PKNOX2: variants seen among roughly 807,000 people sequenced by gnomAD.
PKNOX2 encodes the protein homeobox protein PKNOX2.
In PKNOX2, 14 loss-of-function variants were observed where a neutral mutation model predicts 53.1. The observed-to-expected ratio is 0.26, with a 90% CI of 0.17 to 0.41. The LOEUF is 0.41. Among genes scored for constraint, PKNOX2 ranks in the 10% least tolerant of loss-of-function variants. The pLI, the probability that PKNOX2 is intolerant of heterozygous loss-of-function variation, is 1.00. For synonymous variants in PKNOX2, 257 were observed against 242.8 expected (o/e 1.06, Z -0.54); for missense variants, 496 against 602.8 (o/e 0.82, Z 1.85).
Position 125,349,417 on chromosome 11 carries a change from C to T in PKNOX2, c.-22-1867C>T, listed in dbSNP as rs899944851. Among the ~76,000 whole-genome samples, 11 of 152,248 alleles carry T rather than the reference C, an allele frequency of 7.2e-5. No individual in the cohort carries two copies. The South Asian group carries it at 1.2e-3, about 17-fold the overall frequency. On this transcript the variant is annotated intron_variant, in intron 3 of 12. Coordinates refer to ENST00000298282, the MANE Select transcript of PKNOX2 (RefSeq NM_001382323.2). ...AAGGAAATTGGATCTTAGGGACCAGCGGTGTGTGAGATGGGCGAGGCCCTG... is the reference window on the plus strand; with the variant it reads ...AAGGAAATTGGATCTTAGGGACCAGTGGTGTGTGAGATGGGCGAGGCCCTG...
At chr11:125,191,112 T>G (rs575575047) in intron 1 of PKNOX2, 2 of 152,260 alleles carry the variant, frequency 1.3e-5, no homozygotes, top group Admixed American at 6.5e-5. Context: ...CATTTAGGAG[T>G]CTTGGGACTG....
At chr11:125,257,503 G>C (rs1944497456) in intron 2 of PKNOX2, among the ~76,000 whole-genome samples, 1 of 152,166 alleles carries the variant, frequency 6.6e-6, no homozygotes, top group Non-Finnish European at 1.5e-5. Flanking sequence ...TTAGGAGTAC[G>C]GGCTTCGGAA....
intron 1 of PKNOX2, among the ~76,000 whole-genome samples, chr11:125,193,818 G>A (rs1957015737): frequency 6.6e-6 from 1 of 152,194 alleles, no homozygotes; most frequent in African/African-American, 2.4e-5. Flanking sequence ...CAGGGGACAA[G>A]GATTTAAGGA....
chr11:125,418,389 A>C (rs1956000482), intron 10 of PKNOX2, among the ~76,000 whole-genome samples: 1 of 151,986 alleles, frequency 6.6e-6, no homozygotes, highest in African/African-American at 2.4e-5. Context: ...TTGGCTCATA[A>C]GTCCTGCTGC....
chr11:125,260,952 TG>T (rs1256230631), intron 2 of PKNOX2, among the ~76,000 whole-genome samples: 6 of 152,216 alleles, frequency 3.9e-5, no homozygotes, highest in African/African-American at 1.2e-4. Flanking sequence ...TACTTTCTGC[TG>T]TGTGGCCTCA....
intron 6 of PKNOX2, among the ~76,000 whole-genome samples, chr11:125,390,893 C>T (rs1227837538): frequency 6.6e-6 from 1 of 152,204 alleles, no homozygotes; most frequent in African/African-American, 2.4e-5. Flanking sequence ...GGCAGTTCTC[C>T]AATCACTGGT....
chr11:125,428,821 G>A (rs975508864), intron 10 of PKNOX2, among the ~76,000 whole-genome samples, 191 bp from the exon 11 acceptor site: 4 of 152,214 alleles, frequency 2.6e-5, no homozygotes, highest in African/African-American at 9.6e-5. Flanking sequence ...GGAGTCTCGG[G>A]CATGGGGCAA....
intron 1 of PKNOX2, among the ~76,000 whole-genome samples, chr11:125,219,053 A>T (rs1246088388): frequency 6.6e-6 from 1 of 152,178 alleles, no homozygotes; most frequent in African/African-American, 2.4e-5. Flanking sequence ...GCAAAAGTAT[A>T]GGGAGCAGTG....
rs548907110 is a variant in PKNOX2, at chr11:125,281,247, C to T, written c.-130+46132C>T. Among the ~76,000 whole-genome samples the T allele has an allele frequency of 2.3e-3, 347 of 152,290 alleles. 1 individual carries two copies. Among genetic ancestry groups the T allele is most frequent in the South Asian group, 9.1e-3 (44 of 4,830 alleles). The stretch of plus-strand genomic sequence containing the variant: ...AGATTGGACTCCTGGAACGTATATG[C>T]GTGGTATGGCCGTGTGTAGAGAAGG... On this transcript the variant is annotated intron_variant, in intron 2 of 12. Coordinates refer to ENST00000298282, the MANE Select transcript of PKNOX2 (RefSeq NM_001382323.2).
chr11:125,179,148 T>G (rs1455140043), intron 1 of PKNOX2, among the ~76,000 whole-genome samples: 1 of 152,176 alleles, frequency 6.6e-6, no homozygotes, highest in East Asian at 1.9e-4. Flanking sequence ...TTTCATTCAC[T>G]TATTCCTCAA....
chr11:125,335,209 T>C (rs73621097), intron 3 of PKNOX2, among the ~76,000 whole-genome samples: 4,557 of 152,262 alleles, frequency 0.03, 233 homozygotes, highest in African/African-American at 0.1. Context: ...GAGCAGCTCC[T>C]GAACGGGCCC....
chr11:125,314,589 C>T (rs1017614203), intron 2 of PKNOX2, among the ~76,000 whole-genome samples: 10 of 152,096 alleles, frequency 6.6e-5, no homozygotes, highest in African/African-American at 1.9e-4. Context: ...GACAAGGCTT[C>T]GTACTTCAGC....
At chr11:125,398,128 T>C in intron 7 of PKNOX2, 66 bp downstream of exon 7, 2 of 1,492,056 alleles carry the variant, frequency 1.3e-6, no homozygotes, top group Non-Finnish European at 1.8e-6. Flanking sequence ...GAGCCACGCG[T>C]GGAGGAAGGT....
At chr11:125,279,034 T>G (rs1213600637) in intron 2 of PKNOX2, among the ~76,000 whole-genome samples, 1 of 152,190 alleles carries the variant, frequency 6.6e-6, no homozygotes, top group Non-Finnish European at 1.5e-5. Context: ...GTGGTCACCA[T>G]GTTTGCCCCC....
chr11:125,190,510 T>C (rs1172400418), intron 1 of PKNOX2, among the ~76,000 whole-genome samples: 2 of 152,236 alleles, frequency 1.3e-5, no homozygotes, highest in Non-Finnish European at 2.9e-5. Context: ...CTTGGTTCCT[T>C]ATTTATGGGA....
chr11:125,274,120 C>G (rs1308809522), intron 2 of PKNOX2, among the ~76,000 whole-genome samples: 1 of 152,156 alleles, frequency 6.6e-6, no homozygotes, highest in East Asian at 1.9e-4. Context: ...AAGTACTTTG[C>G]ATTTATTCTC....
intron 10 of PKNOX2, among the ~76,000 whole-genome samples, chr11:125,414,848 AAG>A (rs1302727104): frequency 6.6e-6 from 1 of 152,218 alleles, no homozygotes; most frequent in East Asian, 1.9e-4. Flanking sequence ...CTTAAGAAAT[AAG>A]TTCCCTTTGA....
At chr11:125,212,565 G>A (rs1439297612) in intron 1 of PKNOX2, among the ~76,000 whole-genome samples, 1 of 150,900 alleles carries the variant, frequency 6.6e-6, no homozygotes, top group African/African-American at 2.4e-5. Flanking sequence ...AGCGATTCTA[G>A]GAGGGGATTC....
chr11:125,225,571 T>A (rs769755532), intron 1 of PKNOX2, among the ~76,000 whole-genome samples: 4 of 152,152 alleles, frequency 2.6e-5, no homozygotes, highest in Non-Finnish European at 5.9e-5. Context: ...CCCCACCCAC[T>A]GCCTCTGGGC....
Sources: gnomAD v4.1 joint callset for allele counts (sites outside exome capture counted in the v4.1 genomes callset) on GRCh38, gnomAD v4.1.1 for gene constraint, MANE v1.5 for transcripts, NCBI Gene and HGNC (gene_info 2026-07-23, HGNC 2026-07-21) for gene names.